PDE1C: variants seen among roughly 807,000 people sequenced by gnomAD.
PDE1C encodes dual specificity calcium/calmodulin-dependent 3',5'-cyclic nucleotide phosphodiesterase 1C.
In PDE1C, 62 loss-of-function variants were observed where a neutral mutation model predicts 93.1. The ratio of observed to expected loss-of-function variants is 0.67; its 90% CI spans 0.54 to 0.82. The LOEUF is 0.82. Ranked by LOEUF, PDE1C falls within the 40% of genes least tolerant of loss-of-function variation. The probability of loss-of-function intolerance (pLI) is 0.00; values close to 1 mark genes in which losing one functional copy is unlikely to be tolerated. For synonymous variants in PDE1C, 325 were observed against 310.1 expected, an observed-to-expected ratio of 1.05 and a Z score of -0.50; for missense variants, 742 against 884.6, an observed-to-expected ratio of 0.84 and a Z score of 2.04.
chr7:32,385,832 T>C (rs891449723), intron 1 of PDE1C, among the ~76,000 whole-genome samples: 21 of 152,156 alleles, frequency 1.4e-4, no homozygotes, highest in African/African-American at 5.1e-4. Context: ...AGATGGGAAC[T>C]GGCCTTGTTC....
intron 2 of PDE1C, among the ~76,000 whole-genome samples, chr7:32,005,915 C>T (rs1253535774): frequency 2.6e-5 from 4 of 152,142 alleles, no homozygotes; most frequent in African/African-American, 9.7e-5. Context: ...GACACACTTA[C>T]ATGTTCAAGC....
intron 1 of PDE1C, among the ~76,000 whole-genome samples, chr7:32,403,023 G>A (rs1016923503): frequency 2.6e-5 from 4 of 152,074 alleles, no homozygotes; most frequent in African/African-American, 7.2e-5. Context: ...GGACTGTGGG[G>A]TGCGCCCACC....
chr7:32,102,041 T>C (rs574419733), intron 3 of PDE1C, among the ~76,000 whole-genome samples: 1 of 152,308 alleles, frequency 6.6e-6, no homozygotes, highest in African/African-American at 2.4e-5. Flanking sequence ...ACTGTGAGAA[T>C]AGCACCAAGC....
In PDE1C at chr7:31,853,084, G is replaced by A. The variant is rs888780358; in HGVS notation, c.751-2343C>T. ...GGCAGCAGAAAGCATCTAAATAACA[G>A]TATAATTACAGTTCTCACATTACAA... is the stretch of plus-strand genomic sequence containing the variant. On this transcript the variant is annotated intron_variant, in intron 7 of 17. Transcript: ENST00000396191. Among the ~76,000 whole-genome samples the A allele has an allele frequency of 5.9e-5, 9 of 152,096 alleles. No individual in the cohort carries two copies. The South Asian group carries it at 1.9e-3, about 32-fold the overall frequency.
rs188710133 is a variant in PDE1C, at chr7:31,955,718, C to T, written c.129-74858G>A. On this transcript the variant is annotated intron_variant, in intron 2 of 17. Coordinates refer to ENST00000396191, the MANE Select transcript of PDE1C (RefSeq NM_001191057.4). ...TCCTACCCAACTATCTCATTTGAAACGTAAAAAAATTGAGGGTCCGGGAAA... is the reference window on the plus strand; with the variant it reads ...TCCTACCCAACTATCTCATTTGAAATGTAAAAAAATTGAGGGTCCGGGAAA... Among the ~76,000 whole-genome samples the T allele has an allele frequency of 4.4e-3, 666 of 152,200 alleles. 2 individuals carry two copies. Among genetic ancestry groups the T allele is most frequent in the African/African-American group, 0.015 (638 of 41,520 alleles).
intron 9 of PDE1C, among the ~76,000 whole-genome samples, chr7:31,841,227 C>CTCTCTCTCTATATATA (rs751320538): frequency 6.3e-4 from 90 of 142,284 alleles, no homozygotes; most frequent in African/African-American, 2.1e-3. Context: ...CTCTCTCTCT[C>CTCTCTCTCTATATATA]TATATATATA....
intron 1 of PDE1C, among the ~76,000 whole-genome samples, chr7:32,376,694 T>C (rs563638030): frequency 1.4e-4 from 22 of 152,314 alleles, no homozygotes; most frequent in Middle Eastern, 3.4e-3. Context: ...GATTTCCCCT[T>C]TCTTTTTTTT....
chr7:31,820,356 C>T (rs1788807451), intron 14 of PDE1C, among the ~76,000 whole-genome samples: 1 of 151,450 alleles, frequency 6.6e-6, no homozygotes, highest in Non-Finnish European at 1.5e-5. Context: ...TAGTCTTACA[C>T]CAGAAAATAA....
intron 2 of PDE1C, among the ~76,000 whole-genome samples, chr7:31,885,517 T>C (rs1342602287): frequency 6.6e-6 from 1 of 152,236 alleles, no homozygotes; most frequent in Non-Finnish European, 1.5e-5. Context: ...TATGATGAGA[T>C]ACTGAATCTC....
At chr7:32,092,339 C>T (rs1797518963) in intron 3 of PDE1C, among the ~76,000 whole-genome samples, 2 of 152,168 alleles carry the variant, frequency 1.3e-5, no homozygotes, top group Non-Finnish European at 2.9e-5. Context: ...TCCTGCACTA[C>T]TGGATGCTGG....
At chr7:31,934,601 C>T (rs975940847) in intron 2 of PDE1C, among the ~76,000 whole-genome samples, 4 of 151,310 alleles carry the variant, frequency 2.6e-5, no homozygotes, top group Non-Finnish European at 4.4e-5. Context: ...TGAGTTGATA[C>T]TGGTCTGATT....
intron 2 of PDE1C, among the ~76,000 whole-genome samples, chr7:32,205,217 A>C (rs1012025673): frequency 2.0e-5 from 3 of 152,212 alleles, no homozygotes; most frequent in African/African-American, 7.2e-5. Flanking sequence ...AGTCCTTCAC[A>C]TAGTCCATGA....
At chr7:32,291,033 A>G (rs976147867) in intron 1 of PDE1C, among the ~76,000 whole-genome samples, 4 of 152,204 alleles carry the variant, frequency 2.6e-5, no homozygotes, top group Admixed American at 2.6e-4. Flanking sequence ...AAAAACATTT[A>G]CGTAGAACTT....
intron 17 of PDE1C, among the ~76,000 whole-genome samples, chr7:31,769,738 C>T (rs1472872746): frequency 3.3e-5 from 5 of 152,172 alleles, no homozygotes; most frequent in Non-Finnish European, 5.9e-5. Flanking sequence ...AAAACAACCT[C>T]ATATCCATGA....
rs565953170 is a variant in PDE1C at position 31,828,302 on chromosome 7, C to T, written c.1275G>A (p.Gln425=). The T allele has an allele frequency of 6.2e-7, 1 of 1,612,292 alleles. No homozygotes were observed. Among genetic ancestry groups the T allele is most frequent in the East Asian group, 2.2e-5 (1 of 44,808 alleles). Reference sequence around the variant, plus strand: ...GCTGCAAACACGTACCTACTTGTGACTGAGCAACCATAGTGGACTTTCGGT... The same window carrying T: ...GCTGCAAACACGTACCTACTTGTGATTGAGCAACCATAGTGGACTTTCGGT... ...LCDRKSTMVA[Q]SQVGFIDFIV... Residue 425 remains glutamine, a synonymous_variant, in exon 12 of 18, where the codon CAG becomes CAA. Transcript: ENST00000396191.
intron 2 of PDE1C, among the ~76,000 whole-genome samples, chr7:31,969,829 C>T (rs1335304442): frequency 2.0e-5 from 3 of 152,146 alleles, no homozygotes. Flanking sequence ...ATGATGAGTT[C>T]ATGTCCTTTG....
At chr7:31,886,231 A>G (rs1369516031) in intron 2 of PDE1C, among the ~76,000 whole-genome samples, 2 of 152,192 alleles carry the variant, frequency 1.3e-5, no homozygotes, top group Non-Finnish European at 2.9e-5. Flanking sequence ...TCCTTTTCAT[A>G]CACCTGCCTC....
chr7:32,317,588 T>C (rs934095328), intron 1 of PDE1C, among the ~76,000 whole-genome samples: 3 of 150,792 alleles, frequency 2.0e-5, no homozygotes, highest in Non-Finnish European at 4.4e-5. Flanking sequence ...AAGTGATAGT[T>C]TTTTTTTTTA....
At chr7:32,415,018 C>T (rs1235082666) in intron 1 of PDE1C, among the ~76,000 whole-genome samples, 1 of 152,126 alleles carries the variant, frequency 6.6e-6, no homozygotes, top group Non-Finnish European at 1.5e-5. Flanking sequence ...TCTGTATATT[C>T]AAGTAGGTCA....
Sources: gnomAD v4.1 joint callset for allele counts (sites outside exome capture counted in the v4.1 genomes callset) on GRCh38, gnomAD v4.1.1 for gene constraint, MANE v1.5 for transcripts, NCBI Gene and HGNC (gene_info 2026-07-23, HGNC 2026-07-21) for gene names.